TF: variants seen among roughly 807,000 people sequenced by gnomAD.
The protein encoded by TF is transferrin, also known as serotransferrin.
In TF, 55 loss-of-function variants were observed where a neutral mutation model predicts 82.4. The observed-to-expected ratio is 0.67, with a 90% confidence interval of 0.54 to 0.84. TF has a LOEUF of 0.84. TF is among the 40% of genes least tolerant of loss of function. The pLI, the probability that TF is intolerant of heterozygous loss-of-function variation, is 0.00. For missense variants in TF, 737 were observed against 868.4 expected, an observed-to-expected ratio of 0.85 and a Z score of 1.90; for synonymous variants, 332 against 332.6, an observed-to-expected ratio of 1.00 and a Z score of 0.02.
At chr3:133,732,276 T>C in the TF span, among the ~76,000 whole-genome samples, 1 of 152,180 alleles carries the variant, frequency 6.6e-6, no homozygotes, top group African/African-American at 2.4e-5. Context: ...CTTGGAGAAC[T>C]TTTCTGTCTA....
At chr3:133,674,169 C>A in the TF span, among the ~76,000 whole-genome samples, 1 of 152,198 alleles carries the variant, frequency 6.6e-6, no homozygotes, top group Admixed American at 6.5e-5. Context: ...TATGGACAGC[C>A]CCCGAATCCC....
rs1278415901 is a variant in TF, at chr3:133,790,486, G to A, written c.*11866G>A. On this transcript the variant is annotated 3_prime_UTR_variant, in exon 17 of 17. Transcript: ENST00000402696. ...AAAAGGTTACTTATGAAACAATGTAGTAAGGAACCAGTAAGTAGAGGAGAA... is the reference window on the plus strand; with the variant it reads ...AAAAGGTTACTTATGAAACAATGTAATAAGGAACCAGTAAGTAGAGGAGAA... 6.6e-6 allele frequency: 1 copy of A among 152,174 alleles called. No individual in the cohort carries two copies. Among genetic ancestry groups the A allele is most frequent in the Non-Finnish European group, 1.5e-5 (1 of 68,030 alleles). The allele number at this position is 152,174 out of a possible 1,614,324, so 9.4% of individuals were successfully genotyped here.
intron 1 of TF, among the ~76,000 whole-genome samples, chr3:133,747,972 T>C (rs1331601846): frequency 2.0e-5 from 3 of 151,772 alleles, no homozygotes; most frequent in Non-Finnish European, 2.9e-5. Context: ...TCTCACTCCC[T>C]CTTCTCAAAA....
In TF at chr3:133,757,892, A is replaced by G. The variant is rs1481756209; in HGVS notation, c.994A>G (p.Met332Val). 1.1e-5 allele frequency: 18 copies of G among 1,614,082 alleles called. No individual in the cohort carries two copies. The highest frequency in any genetic ancestry group is 1.5e-5 in the Non-Finnish European group (18 of 1,180,038). ...LKVPPRMDAK[M>V]YLGYEYVTAI... is the part of the protein sequence containing the mutation. ...AGTCCCCCCCAGGATGGATGCCAAG[A>G]TGTACCTGGGCTATGAGTATGTCAC... Residue 332 changes from methionine (M) to valine (V), a missense_variant, in exon 8 of 17, where the codon ATG (methionine) becomes GTG (valine). Physicochemically the swap from Met to Val is conservative, Grantham distance 21. Transcript: ENST00000402696.
chr3:133,733,627 C>A, the TF span, among the ~76,000 whole-genome samples: 3 of 152,154 alleles, frequency 2.0e-5, no homozygotes, highest in African/African-American at 7.2e-5. Flanking sequence ...AAAATGAGAA[C>A]AGACAGCTCC....
the TF span, among the ~76,000 whole-genome samples, chr3:133,684,700 A>T: frequency 6.6e-6 from 1 of 152,200 alleles, no homozygotes; most frequent in Admixed American, 6.5e-5. Flanking sequence ...TCTGAAATTG[A>T]GGCAATAATT....
chr3:133,772,603 C>G (rs995500598), intron 14 of TF: 1 of 152,212 alleles, frequency 6.6e-6, no homozygotes, highest in Non-Finnish European at 1.5e-5. Flanking sequence ...AACGTTCCCT[C>G]CTCTTCTCCC....
chr3:133,770,712 T>C, intron 14 of TF, 140 bp downstream of exon 14: 1 of 1,025,474 alleles, frequency 9.8e-7, no homozygotes, highest in Non-Finnish European at 1.5e-6. Context: ...GTCTGCTCAG[T>C]GAAGAGAGAC....
the TF span, among the ~76,000 whole-genome samples, chr3:133,728,293 A>G: frequency 2.6e-5 from 4 of 152,202 alleles, no homozygotes; most frequent in Non-Finnish European, 5.9e-5. Context: ...AGGTACACCA[A>G]TCAGATGCAG....
Position 133,791,424 on chromosome 3 carries a change from G to C in TF, c.*12804G>C, listed in dbSNP as rs545942127. On this transcript the variant is annotated 3_prime_UTR_variant, in exon 17 of 17. Transcript: ENST00000402696. ...TTTGGGAGACAGAACCCAGAAACCT[G>C]GCATACTGGCAAAAGGGTAAGAATT... is the stretch of plus-strand genomic sequence containing the variant. 24 of 152,214 alleles carry C rather than the reference G, an allele frequency of 1.6e-4. No individual in the cohort carries two copies. The highest frequency in any genetic ancestry group is 5.5e-4 in the African/African-American group (23 of 41,534). 9.4% of individuals were successfully genotyped at this position (152,214 alleles called of 1,614,324 possible).
chr3:133,725,245 G>C, the TF span, among the ~76,000 whole-genome samples: 1 of 152,104 alleles, frequency 6.6e-6, no homozygotes, highest in Non-Finnish European at 1.5e-5. Context: ...ATTACCTTGG[G>C]CAGTATGGCC....
rs1449130411 is a variant in TF, at chr3:133,792,910, G to T, written c.*14290G>T. 1 of 152,078 alleles carries T rather than the reference G, an allele frequency of 6.6e-6. No homozygotes were observed. The highest frequency in any genetic ancestry group is 1.5e-5 in the Non-Finnish European group (1 of 68,008). 9.4% of individuals were successfully genotyped at this position (152,078 alleles called of 1,614,324 possible). A position where few individuals can be genotyped will look rare whatever the true frequency, so the allele number is the denominator to read the frequency against. ...ACATCAAAATAAAAGCACAAACAGG[G>T]TTTTCTTAAAGCACCGATCTGCTCT... On this transcript the variant is annotated 3_prime_UTR_variant, in exon 17 of 17. Coordinates refer to ENST00000402696, the MANE Select transcript of TF (RefSeq NM_001063.4).
intron 13 of TF, among the ~76,000 whole-genome samples, chr3:133,769,999 A>G (rs1285601804): frequency 7.2e-5 from 11 of 152,166 alleles, no homozygotes; most frequent in Admixed American, 7.2e-4. Context: ...GTTTTGCCAT[A>G]TTCTCTGCAT....
At chr3:133,674,455 T>C in the TF span, among the ~76,000 whole-genome samples, 1 of 152,192 alleles carries the variant, frequency 6.6e-6, no homozygotes, top group South Asian at 2.1e-4. Flanking sequence ...AGCTGCTCGC[T>C]GGCTGCCCCA....
chr3:133,764,030 G>T, intron 9 of TF, 152 bp from the exon 10 acceptor site: 1 of 705,880 alleles, frequency 1.4e-6, no homozygotes, highest in Non-Finnish European at 2.6e-6. Context: ...TGCTGAGTGT[G>T]CCTGGCTGAT....
the TF span, among the ~76,000 whole-genome samples, chr3:133,698,877 G>T: frequency 6.6e-6 from 1 of 152,140 alleles, no homozygotes; most frequent in Admixed American, 6.5e-5. Context: ...GTACCTGCAG[G>T]TTACCCTGAC....
At position 133,759,338 on chromosome 3, in the gene TF, C is replaced by T. The variant is rs371871830; in HGVS notation, c.1203+9C>T. The T allele has an allele frequency of 4.2e-5, 67 of 1,613,130 alleles. No individual in the cohort carries two copies. The highest frequency in any genetic ancestry group is 5.6e-5 in the Non-Finnish European group (66 of 1,180,006). ...GCATCGCCAAGATCATGGTATGTCACTCCAGCCTTCCTAGGGCAGCGTCCC... is the reference window on the plus strand; with the variant it reads ...GCATCGCCAAGATCATGGTATGTCATTCCAGCCTTCCTAGGGCAGCGTCCC... On this transcript the variant is annotated intron_variant, in intron 9 of 16. Transcript: ENST00000402696.
At chr3:133,680,698 T>C in the TF span, among the ~76,000 whole-genome samples, 2 of 152,200 alleles carry the variant, frequency 1.3e-5, no homozygotes, top group African/African-American at 2.4e-5. Flanking sequence ...TCAAGTAAAT[T>C]TGAAGGGCTC....
chr3:133,738,457 C>T, the TF span, among the ~76,000 whole-genome samples: 1 of 152,026 alleles, frequency 6.6e-6, no homozygotes, highest in Admixed American at 6.6e-5. Context: ...TGAAAGTTCT[C>T]GTCAGGGCAA....
Sources: gnomAD v4.1 joint callset for allele counts (sites outside exome capture counted in the v4.1 genomes callset) on GRCh38, gnomAD v4.1.1 for gene constraint, MANE v1.5 for transcripts, NCBI Gene and HGNC (gene_info 2026-07-23, HGNC 2026-07-21) for gene names.